The following KCNMB2 variants were observed in gnomAD, a reference collection of about 807,000 sequenced individuals.
The protein encoded by KCNMB2 is potassium calcium-activated channel subfamily M regulatory beta subunit 2.
In KCNMB2, 9 loss-of-function variants were observed where a neutral mutation model predicts 24.5. That is an observed-to-expected ratio of 0.37 (90% CI 0.22 to 0.64). The LOEUF (loss-of-function observed/expected upper bound fraction) is 0.64, where lower values mean the gene tolerates loss of function less well. Among genes scored for constraint, KCNMB2 ranks in the 30% least tolerant of loss-of-function variants. The pLI is 0.63. For synonymous variants in KCNMB2, 109 were observed against 104.4 expected, an observed-to-expected ratio of 1.04 and a Z score of -0.27; for missense variants, 226 against 284.3, an observed-to-expected ratio of 0.79 and a Z score of 1.47.
chr3:178,692,580 C>A (rs182555643), intron 1 of KCNMB2, among the ~76,000 whole-genome samples: 1 of 151,966 alleles, frequency 6.6e-6, no homozygotes, highest in Admixed American at 6.6e-5. Context: ...TTCTGGGCTC[C>A]CTATTCTGCT....
intron 1 of KCNMB2, among the ~76,000 whole-genome samples, chr3:178,602,990 A>C (rs1718143025): frequency 1.3e-5 from 2 of 152,310 alleles, no homozygotes; most frequent in Admixed American, 1.3e-4. Flanking sequence ...TGGCCATTAT[A>C]GTAAGAGATA....
chr3:178,795,810 A>C (rs550569953), intron 1 of KCNMB2, among the ~76,000 whole-genome samples: 1 of 152,342 alleles, frequency 6.6e-6, no homozygotes, highest in Admixed American at 6.5e-5. Context: ...ACAATATAAA[A>C]TATAATATAC....
At chr3:178,615,688 C>CT (rs1244030768) in intron 1 of KCNMB2, among the ~76,000 whole-genome samples, 1 of 152,140 alleles carries the variant, frequency 6.6e-6, no homozygotes, top group Non-Finnish European at 1.5e-5. Context: ...CCCCGCTGGC[C>CT]TAGGGCAGGT....
At chr3:178,798,120 G>C (rs9812313) in intron 1 of KCNMB2, among the ~76,000 whole-genome samples, 3 of 152,018 alleles carry the variant, frequency 2.0e-5, no homozygotes, top group Middle Eastern at 6.8e-3. Flanking sequence ...GTTTGAATAC[G>C]GTTTATTTCT....
At chr3:178,842,201 GGTAA>G (rs1273629709) in intron 4 of KCNMB2, among the ~76,000 whole-genome samples, 1 of 152,088 alleles carries the variant, frequency 6.6e-6, no homozygotes, top group Admixed American at 6.6e-5. Flanking sequence ...TGAGAGAACT[GGTAA>G]GTTTTTATGT....
At chr3:178,612,378 T>C (rs1718511870) in intron 1 of KCNMB2, among the ~76,000 whole-genome samples, 1 of 152,186 alleles carries the variant, frequency 6.6e-6, no homozygotes, top group Non-Finnish European at 1.5e-5. Flanking sequence ...TATTGGGGCC[T>C]ATTTCTCTTT....
chr3:178,603,675 T>C (rs1296689716), intron 1 of KCNMB2, among the ~76,000 whole-genome samples: 2 of 151,998 alleles, frequency 1.3e-5, no homozygotes, highest in African/African-American at 4.8e-5. Context: ...GTTGAGACCA[T>C]AGGGAGAGCA....
At chr3:178,675,303 G>C (rs919417945) in intron 1 of KCNMB2, among the ~76,000 whole-genome samples, 4 of 152,228 alleles carry the variant, frequency 2.6e-5, no homozygotes, top group African/African-American at 9.6e-5. Context: ...GCCAAGACTT[G>C]CAGAACTTGA....
rs184497357 is a variant in KCNMB2 at position 178,772,057 on chromosome 3, G to T, written c.-67-35286G>T. 4.3e-3 allele frequency among the ~76,000 whole-genome samples: 656 copies of T among 152,164 alleles called. 13 individuals carry two copies. Among genetic ancestry groups the T allele is most frequent in the Non-Finnish European group, 2.8e-3 (191 of 68,006 alleles). On this transcript the variant is annotated intron_variant, in intron 1 of 4. Coordinates refer to ENST00000452583, the MANE Select transcript of KCNMB2 (RefSeq NM_181361.3). ...ACCTCCTTCAGGTCCTCATCAAAAT[G>T]TTGGTTTATTAGTGAGGTCACTAAT...
At chr3:178,659,754 T>A (rs1720460481) in intron 1 of KCNMB2, among the ~76,000 whole-genome samples, 1 of 152,216 alleles carries the variant, frequency 6.6e-6, no homozygotes, top group Non-Finnish European at 1.5e-5. Context: ...ATATGAAAGT[T>A]ATGTTAATTA....
At chr3:178,699,764 G>A (rs750775278) in intron 1 of KCNMB2, among the ~76,000 whole-genome samples, 1 of 152,202 alleles carries the variant, frequency 6.6e-6, no homozygotes, top group Non-Finnish European at 1.5e-5. Context: ...CCCTGACCGT[G>A]CTCCACTACA....
At chr3:178,734,843 A>G (rs1383433359) in intron 1 of KCNMB2, among the ~76,000 whole-genome samples, 1 of 152,216 alleles carries the variant, frequency 6.6e-6, no homozygotes, top group Non-Finnish European at 1.5e-5. Context: ...TCTCATTTTT[A>G]ATGACTTCCA....
intron 1 of KCNMB2, among the ~76,000 whole-genome samples, chr3:178,623,682 A>G (rs1224727941): frequency 6.6e-6 from 1 of 152,226 alleles, no homozygotes; most frequent in Non-Finnish European, 1.5e-5. Context: ...GTTGAGGTTC[A>G]GCAAACTTTT....
chr3:178,742,859 G>T (rs1427580993), intron 1 of KCNMB2, among the ~76,000 whole-genome samples: 3 of 152,138 alleles, frequency 2.0e-5, no homozygotes, highest in African/African-American at 7.2e-5. Context: ...GTGTACACTG[G>T]CCAATAAATA....
intron 1 of KCNMB2, among the ~76,000 whole-genome samples, chr3:178,662,447 A>G (rs1560154157): frequency 6.6e-6 from 1 of 152,188 alleles, no homozygotes; most frequent in Non-Finnish European, 1.5e-5. Flanking sequence ...GATACAGATC[A>G]TTTTGGGTTA....
At chr3:178,560,535 C>T (rs559828350) in intron 1 of KCNMB2, among the ~76,000 whole-genome samples, 17 of 152,294 alleles carry the variant, frequency 1.1e-4, no homozygotes, top group South Asian at 8.3e-4. Context: ...TCCACTGAGC[C>T]GCACAAGCAC....
At chr3:178,775,570 G>A (rs529783762) in intron 1 of KCNMB2, among the ~76,000 whole-genome samples, 52 of 152,130 alleles carry the variant, frequency 3.4e-4, no homozygotes, top group Middle Eastern at 3.4e-3. Flanking sequence ...TTTCTTAAGC[G>A]ATAATCACTT....
intron 1 of KCNMB2, among the ~76,000 whole-genome samples, chr3:178,626,499 CA>C (rs1302135350): frequency 6.6e-6 from 1 of 152,174 alleles, no homozygotes; most frequent in African/African-American, 2.4e-5. Flanking sequence ...TTAATTGACT[CA>C]AGTTCCACAT....
At chr3:178,614,920 G>A (rs963861196) in intron 1 of KCNMB2, among the ~76,000 whole-genome samples, 1 of 152,134 alleles carries the variant, frequency 6.6e-6, no homozygotes, top group Non-Finnish European at 1.5e-5. Context: ...TTCTTGAAAA[G>A]GCTTTTCAGA....
Sources: gnomAD v4.1 joint callset for allele counts (sites outside exome capture counted in the v4.1 genomes callset) on GRCh38, gnomAD v4.1.1 for gene constraint, MANE v1.5 for transcripts, NCBI Gene and HGNC (gene_info 2026-07-23, HGNC 2026-07-21) for gene names.